Variants in INPP5D observed in about 807,000 individuals in gnomAD.
INPP5D encodes the protein phosphatidylinositol 3,4,5-trisphosphate 5-phosphatase 1.
Under a neutral mutation model 122.9 loss-of-function variants are expected in INPP5D, and 33 were observed. The observed-to-expected ratio is 0.27, with a 90% CI of 0.20 to 0.36. INPP5D has a LOEUF of 0.36. Among genes scored for constraint, INPP5D ranks in the 10% least tolerant of loss-of-function variants. INPP5D has a pLI of 1.00. For synonymous variants in INPP5D, 584 were observed against 576.2 expected (o/e 1.01, Z -0.19); for missense variants, 1,053 against 1,412.7 (o/e 0.75, Z 4.08).
At chr2:233,178,511 C>T (rs1413885533) in intron 18 of INPP5D, among the ~76,000 whole-genome samples, 3 of 145,522 alleles carry the variant, frequency 2.1e-5, no homozygotes, top group South Asian at 2.1e-4. Flanking sequence ...GAGACGGAGT[C>T]TCTCTCAGTC....
At chr2:233,198,895 C>T (rs890542891) in intron 25 of INPP5D, among the ~76,000 whole-genome samples, 24 of 145,176 alleles carry the variant, frequency 1.7e-4, no homozygotes, top group African/African-American at 7.7e-5. Context: ...GGTTGCGGTG[C>T]GCCGAGATTG....
At chr2:233,095,138 G>C (rs955574031) in intron 2 of INPP5D, among the ~76,000 whole-genome samples, 5 of 152,230 alleles carry the variant, frequency 3.3e-5, no homozygotes, top group African/African-American at 1.2e-4. Flanking sequence ...AAGTAGAGCT[G>C]TGTGTAATGA....
chr2:233,116,847 G>A (rs1692814882), intron 2 of INPP5D, among the ~76,000 whole-genome samples: 1 of 151,944 alleles, frequency 6.6e-6, no homozygotes, highest in African/African-American at 2.4e-5. Context: ...CACCCACCTC[G>A]GCCTCCCAAA....
intron 17 of INPP5D, among the ~76,000 whole-genome samples, chr2:233,173,890 G>A (rs1235921215): frequency 5.3e-5 from 8 of 151,962 alleles, no homozygotes; most frequent in Non-Finnish European, 8.8e-5. Context: ...CCGAGATGGC[G>A]CCACTGCACT....
intron 11 of INPP5D, 104 bp downstream of exon 11, chr2:233,161,930 C>G (rs1160515185): frequency 6.8e-7 from 1 of 1,473,870 alleles, no homozygotes; most frequent in African/African-American, 1.4e-5. Context: ...TGTCCCCTTC[C>G]TTCCTGCCCC....
At chr2:233,157,186 T>A (rs984404767) in intron 9 of INPP5D, among the ~76,000 whole-genome samples, 13 of 152,136 alleles carry the variant, frequency 8.5e-5, no homozygotes, top group Non-Finnish European at 1.5e-4. Flanking sequence ...TCTACCAAAA[T>A]GAGGGTGTAA....
At chr2:233,074,639 A>G (rs541887353) in intron 1 of INPP5D, among the ~76,000 whole-genome samples, 10 of 151,702 alleles carry the variant, frequency 6.6e-5, no homozygotes, top group Admixed American at 2.0e-4. Context: ...TTTTGAACGC[A>G]GGGTTTCCAG....
intron 9 of INPP5D, among the ~76,000 whole-genome samples, chr2:233,152,212 A>T: frequency 7.0e-6 from 1 of 142,058 alleles, no homozygotes; most frequent in East Asian, 2.2e-4. Context: ...AGTCTGGCTC[A>T]TGGTGAGTTT....
chr2:233,158,404 T>A lies in INPP5D; in HGVS notation c.1122T>A (p.Val374=). Residue 374 remains valine, a synonymous_variant, in exon 10 of 27, where the codon GTT becomes GTA. Coordinates refer to ENST00000445964, the MANE Select transcript of INPP5D (RefSeq NM_001017915.3). Reference sequence around the variant, plus strand: ...AGAAGATCCTGCGGAAGGAATATGTTTTTGCTGACTCCAAAGTAAGTGACA... The same window carrying A: ...AGAAGATCCTGCGGAAGGAATATGTATTTGCTGACTCCAAAGTAAGTGACA... ...EKEKILRKEY[V]FADSKKREGF... The A allele has an allele frequency of 1.4e-6, 1 of 703,374 alleles. No individual in the cohort carries two copies. The highest frequency in any genetic ancestry group is 2.3e-4 in the Middle Eastern group (1 of 4,360). 43.6% of individuals were successfully genotyped at this position (703,374 alleles called of 1,614,324 possible).
intron 2 of INPP5D, among the ~76,000 whole-genome samples, chr2:233,085,694 C>A (rs1331039779): frequency 6.6e-6 from 1 of 152,138 alleles, no homozygotes; most frequent in African/African-American, 2.4e-5. Context: ...AAGCCTCCCC[C>A]CGTTTTCTAG....
At chr2:233,077,135 G>GA (rs1326742927) in intron 1 of INPP5D, among the ~76,000 whole-genome samples, 1 of 151,886 alleles carries the variant, frequency 6.6e-6, no homozygotes, top group East Asian at 1.9e-4. Flanking sequence ...CTTTTTTGGT[G>GA]AAAAAAACAA....
intron 1 of INPP5D, among the ~76,000 whole-genome samples, chr2:233,070,457 T>C (rs1349388187): frequency 2.4e-5 from 3 of 124,482 alleles, no homozygotes; most frequent in Non-Finnish European, 5.2e-5. Flanking sequence ...TTTTTTTTTT[T>C]CGAGATGGTG....
chr2:233,189,432 G>A lies in INPP5D; in HGVS notation c.2359-418G>A, dbSNP rs1043709063. On this transcript the variant is annotated intron_variant, in intron 21 of 26. Coordinates refer to ENST00000445964, the MANE Select transcript of INPP5D (RefSeq NM_001017915.3). This position sits in a 1 kb window ranked among gnomAD's most constrained non-coding sequence, Gnocchi z 5.6. The stretch of plus-strand genomic sequence containing the variant: ...CAAGGAGAAATTCTGTGCTCTGTAG[G>A]GGGAGCCTGGCGCAGGGTGGAGTGC... 9.8e-5 allele frequency among the ~76,000 whole-genome samples: 15 copies of A among 152,302 alleles called. No homozygotes were observed. Among genetic ancestry groups the A allele is most frequent in the African/African-American group, 2.6e-4 (11 of 41,568 alleles).
chr2:233,092,210 C>T (rs965307049), intron 2 of INPP5D, among the ~76,000 whole-genome samples: 4 of 152,202 alleles, frequency 2.6e-5, no homozygotes, highest in African/African-American at 7.2e-5. Flanking sequence ...ATCAGGGAGC[C>T]GTCCCAGGCT....
chr2:233,167,031 T>C (rs1694360721), intron 13 of INPP5D, among the ~76,000 whole-genome samples: 1 of 151,224 alleles, frequency 6.6e-6, no homozygotes, highest in African/African-American at 2.4e-5. Context: ...TCTAAGAGTG[T>C]GCCCTAAGCA....
At chr2:233,112,352 C>T (rs912667065) in intron 2 of INPP5D, among the ~76,000 whole-genome samples, 1 of 152,172 alleles carries the variant, frequency 6.6e-6, no homozygotes, top group African/African-American at 2.4e-5. Flanking sequence ...GTGCTGGATG[C>T]ACCTTTCAAC....
At position 233,082,497 on chromosome 2, in the gene INPP5D, C is replaced by A. The variant is rs1691717156; in HGVS notation, c.198+3099C>A. Among the ~76,000 whole-genome samples the A allele has an allele frequency of 6.6e-6, 1 of 152,170 alleles. No homozygotes were observed. The highest frequency in any genetic ancestry group is 6.6e-5 in the Admixed American group (1 of 15,264). On this transcript the variant is annotated intron_variant, in intron 2 of 26. Coordinates refer to ENST00000445964, the MANE Select transcript of INPP5D (RefSeq NM_001017915.3). The surrounding 1 kb of genome is among the most constrained non-coding windows in gnomAD (Gnocchi z 4.7). Reference sequence around the variant, plus strand: ...AGGCTCCCCAAAATAAGAATCTGGCCTGAAATTTTGCCAAGTGAAGCACCG... The same window carrying A: ...AGGCTCCCCAAAATAAGAATCTGGCATGAAATTTTGCCAAGTGAAGCACCG...
chr2:233,108,569 T>G (rs1692526586), intron 2 of INPP5D, among the ~76,000 whole-genome samples: 1 of 152,102 alleles, frequency 6.6e-6, no homozygotes, highest in East Asian at 1.9e-4. Context: ...GCCTCCTTTC[T>G]CTCCCCCCAA....
chr2:233,069,026 C>T (rs1450126399), intron 1 of INPP5D, among the ~76,000 whole-genome samples: 1 of 152,184 alleles, frequency 6.6e-6, no homozygotes, highest in Non-Finnish European at 1.5e-5. Flanking sequence ...AGTCCTGGGG[C>T]TGAGGACGAT....
Sources: gnomAD v4.1 joint callset for allele counts (sites outside exome capture counted in the v4.1 genomes callset) on GRCh38, gnomAD v4.1.1 for gene constraint, Gnocchi (gnomAD v3.1) non-coding constraint, MANE v1.5 for transcripts, NCBI Gene and HGNC (gene_info 2026-07-23, HGNC 2026-07-21) for gene names.